The following ARHGEF3 variants were observed in gnomAD, a reference collection of about 807,000 sequenced individuals.
ARHGEF3 encodes 59.8 kDA protein.
Under a neutral mutation model 63.2 loss-of-function variants are expected in ARHGEF3, and 28 were observed. The ratio of observed to expected loss-of-function variants is 0.44; its 90% CI spans 0.33 to 0.61. The LOEUF is 0.61. Ranked by LOEUF, ARHGEF3 falls within the 20% of genes least tolerant of loss-of-function variation. The pLI, the probability that ARHGEF3 is intolerant of heterozygous loss-of-function variation, is 0.03. For synonymous variants in ARHGEF3, 266 were observed against 254.2 expected (o/e 1.05, Z -0.44); for missense variants, 533 against 659.3 (o/e 0.81, Z 2.10).
chr3:56,782,458 T>A (rs1177005950), intron 1 of ARHGEF3, among the ~76,000 whole-genome samples: 1 of 152,020 alleles, frequency 6.6e-6, no homozygotes, highest in African/African-American at 2.4e-5. Flanking sequence ...ATCCCTGCTA[T>A]CTTTGTCTTG....
chr3:56,916,312 C>A, intron 3 of ARHGEF3: 1 of 1,535,288 alleles, frequency 6.5e-7, no homozygotes, highest in Non-Finnish European at 8.7e-7. Context: ...GGCTTACCTG[C>A]GAACGGACAA....
chr3:56,827,374 G>T (rs1293064204), intron 4 of ARHGEF3, among the ~76,000 whole-genome samples: 1 of 152,096 alleles, frequency 6.6e-6, no homozygotes, highest in Non-Finnish European at 1.5e-5. Context: ...AGATAGCAGG[G>T]TGTTTATGAG....
At chr3:56,762,162 C>A (rs1237597412) in intron 2 of ARHGEF3, among the ~76,000 whole-genome samples, 1 of 152,114 alleles carries the variant, frequency 6.6e-6, no homozygotes, top group Non-Finnish European at 1.5e-5. Context: ...CGCCAGTCCA[C>A]GGTAACTAGA....
At chr3:56,836,492 G>A (rs763299395) in intron 4 of ARHGEF3, among the ~76,000 whole-genome samples, 15 of 152,126 alleles carry the variant, frequency 9.9e-5, no homozygotes, top group Non-Finnish European at 1.8e-4. Flanking sequence ...CACACCCACA[G>A]AGTCCCTACA....
intron 3 of ARHGEF3, among the ~76,000 whole-genome samples, chr3:56,887,305 C>T (rs1021040219): frequency 6.6e-6 from 1 of 152,196 alleles, no homozygotes; most frequent in African/African-American, 2.4e-5. Flanking sequence ...GCAGCAAGGG[C>T]GTCCCGCTGC....
intron 2 of ARHGEF3, among the ~76,000 whole-genome samples, chr3:56,773,377 C>T (rs1262647105): frequency 1.3e-5 from 2 of 152,134 alleles, no homozygotes; most frequent in Non-Finnish European, 2.9e-5. Context: ...GGCTCTGTTG[C>T]CCTCCAGCTA....
chr3:57,073,332 G>T (rs1706037602), intron 1 of ARHGEF3: 1 of 200,322 alleles, frequency 5.0e-6, no homozygotes, highest in Admixed American at 5.3e-5. Context: ...TGTTCAATAA[G>T]AATATAATCA....
chr3:56,862,345 T>C (rs1339783116), intron 4 of ARHGEF3, among the ~76,000 whole-genome samples: 1 of 152,116 alleles, frequency 6.6e-6, no homozygotes, highest in Admixed American at 6.5e-5. Context: ...CACCAAAACA[T>C]TTTTTAAAAG....
At chr3:56,990,086 C>A (rs1161112896) in intron 2 of ARHGEF3, among the ~76,000 whole-genome samples, 1 of 152,234 alleles carries the variant, frequency 6.6e-6, no homozygotes, top group Non-Finnish European at 1.5e-5. Context: ...AGGCTCTGCC[C>A]CATCTACCAT....
At chr3:56,930,474 C>T (rs1482559765) in intron 3 of ARHGEF3, among the ~76,000 whole-genome samples, 3 of 152,136 alleles carry the variant, frequency 2.0e-5, no homozygotes, top group East Asian at 1.9e-4. Context: ...AAGCAAACTT[C>T]GTGTTTCTTC....
intron 1 of ARHGEF3, among the ~76,000 whole-genome samples, chr3:57,063,178 G>A (rs1705326323): frequency 2.6e-5 from 4 of 152,190 alleles, no homozygotes; most frequent in African/African-American, 2.4e-5. Flanking sequence ...AGGTGCCCAC[G>A]CAGGGAACAG....
At chr3:56,949,817 T>C (rs1310258791) in intron 3 of ARHGEF3, among the ~76,000 whole-genome samples, 1 of 152,048 alleles carries the variant, frequency 6.6e-6, no homozygotes, top group Admixed American at 6.6e-5. Flanking sequence ...GAGCCTGCAT[T>C]GCCAAGTCAA....
At chr3:56,989,060 G>T (rs555472677) in intron 2 of ARHGEF3, among the ~76,000 whole-genome samples, 29 of 152,274 alleles carry the variant, frequency 1.9e-4, no homozygotes, top group African/African-American at 6.5e-4. Flanking sequence ...AGACAGCACC[G>T]ATTGTGAGTG....
At position 56,798,730 on chromosome 3, in the gene ARHGEF3, CA is replaced by C. The variant is rs2037496228; in HGVS notation, c.96+2972del. On this transcript the variant is annotated intron_variant, in intron 1 of 9. Coordinates refer to ENST00000296315, the MANE Select transcript of ARHGEF3 (RefSeq NM_019555.3). ...ATGGGAAGTAGATGACCAATAAATA[CA>C]AAAACAGATAAACTGAACAAAGCTG... is the stretch of plus-strand genomic sequence containing the variant. Among the ~76,000 whole-genome samples the C allele has an allele frequency of 7.9e-5, 12 of 152,150 alleles. 1 individual carries two copies. The South Asian group carries it at 2.5e-3, about 32-fold the overall frequency.
intron 4 of ARHGEF3, among the ~76,000 whole-genome samples, chr3:56,831,045 G>A (rs572011277): frequency 1.3e-5 from 2 of 152,302 alleles, no homozygotes; most frequent in South Asian, 4.1e-4. Context: ...GCTCTGTGAA[G>A]ACAGAGATCT....
intron 3 of ARHGEF3, among the ~76,000 whole-genome samples, chr3:56,887,252 G>T (rs2040954247): frequency 6.6e-6 from 1 of 152,206 alleles, no homozygotes; most frequent in South Asian, 2.1e-4. Context: ...AGAATGCTGT[G>T]ATCACAATTA....
intron 3 of ARHGEF3, among the ~76,000 whole-genome samples, chr3:56,901,791 T>C (rs575929363): frequency 5.9e-5 from 9 of 152,240 alleles, no homozygotes; most frequent in Admixed American, 5.2e-4. Context: ...GGTCTGGCTA[T>C]GTTGCCCAGG....
At chr3:56,816,714 A>C (rs2038284829) in intron 4 of ARHGEF3, among the ~76,000 whole-genome samples, 1 of 152,220 alleles carries the variant, frequency 6.6e-6, no homozygotes, top group Admixed American at 6.5e-5. Flanking sequence ...AGGCACAGAG[A>C]GTTCAAGCAA....
At chr3:56,759,977 A>T (rs1559913277) in intron 2 of ARHGEF3, among the ~76,000 whole-genome samples, 1 of 152,224 alleles carries the variant, frequency 6.6e-6, no homozygotes, top group Non-Finnish European at 1.5e-5. Flanking sequence ...TAATGGCTGC[A>T]GAATTAGTAT....
Sources: gnomAD v4.1 joint callset for allele counts (sites outside exome capture counted in the v4.1 genomes callset) on GRCh38, gnomAD v4.1.1 for gene constraint, MANE v1.5 for transcripts, NCBI Gene and HGNC (gene_info 2026-07-23, HGNC 2026-07-21) for gene names.